Variants in ZAN observed in about 807,000 individuals in gnomAD.
ZAN encodes zonadhesin, also known as zonadhesin (gene/pseudogene).
In ZAN, 260 loss-of-function variants were observed where a neutral mutation model predicts 286.2. That is an observed-to-expected ratio of 0.91 (90% confidence interval 0.82 to 1.01). The LOEUF (loss-of-function observed/expected upper bound fraction) is 1.01. ZAN is among the 50% of genes least tolerant of loss of function. ZAN has a pLI of 0.00. For synonymous variants in ZAN, 1,368 were observed against 1,417.5 expected (o/e 0.97, Z 0.79); for missense variants, 3,410 against 3,639.2 (o/e 0.94, Z 1.62).
Position 100,797,561 on chromosome 7 carries a change from C to G in ZAN, c.8367-16C>G. 6.2e-7 allele frequency: 1 copy of G among 1,613,802 alleles called. No homozygotes were observed. The highest frequency in any genetic ancestry group is 8.5e-7 in the Non-Finnish European group (1 of 1,179,846). On this transcript the variant is annotated splice_polypyrimidine_tract_variant and intron_variant, in intron 46 of 47. Coordinates refer to ENST00000613979, the MANE Select transcript of ZAN (RefSeq NM_003386.3). The stretch of plus-strand genomic sequence containing the variant: ...GGCCACTTGGGGACCCATGTCTATT[C>G]CCCCATGCCTTCTAGAGAGAAAACG...
chr7:100,794,279 G>C (rs367861078), intron 44 of ZAN, 21 bp downstream of exon 44: 2 of 1,575,170 alleles, frequency 1.3e-6, no homozygotes, highest in Non-Finnish European at 1.7e-6. Context: ...ACTCCTGCCC[G>C]GTTCCAAGCT....
At chr7:100,785,659 CTTT>C (rs530251109) in intron 36 of ZAN, among the ~76,000 whole-genome samples, 1 of 143,274 alleles carries the variant, frequency 7.0e-6, no homozygotes, top group African/African-American at 2.5e-5. Context: ...CCTCTTCACT[CTTT>C]TTTTTTTTTT....
chr7:100,771,911 G>A lies in ZAN; in HGVS notation c.5316G>A (p.Gln1772=). 1.2e-6 allele frequency: 2 copies of A among 1,613,266 alleles called. No individual in the cohort carries two copies. Among genetic ancestry groups the A allele is most frequent in the Non-Finnish European group, 1.7e-6 (2 of 1,179,852 alleles). The change falls in exon 29 of 48, where the codon CAG becomes CAA. Residue 1772 remains glutamine (Q), a synonymous_variant. Transcript: ENST00000613979. The part of the protein sequence containing the change: ...QSSFASCVHG[Q]CGTKGDTTAL... The stretch of plus-strand genomic sequence containing the variant: ...GCTTTGCCAGTTGCGTGCATGGTCA[G>A]TGTGGGACCAAGGGCGACACCACAG...
rs1435085419 is a variant in ZAN at position 100,751,719 on chromosome 7, G to A, written c.1614G>A (p.Val538=). The A allele has an allele frequency of 6.3e-7, 1 of 1,578,962 alleles. No individual in the cohort carries two copies. The highest frequency in any genetic ancestry group is 8.6e-7 in the Non-Finnish European group (1 of 1,169,186). ...TCTTATTTTTCTTTGCAGTAAAAGT[G>A]CTACCAGAGCTTCCTCCCGTATCTC... ...LINPGTCPVK[V]LPELPPVSPV... The change falls in exon 14 of 48, where the codon GTG becomes GTA. Residue 538 remains valine (V), a synonymous_variant. Coordinates refer to ENST00000613979, the MANE Select transcript of ZAN (RefSeq NM_003386.3).
Position 100,794,091 on chromosome 7 carries a change from C to T in ZAN, c.7987-29C>T, listed in dbSNP as rs377264940. ...AGCCAGACCAGGGATGGAACTGGAA[C>T]GTCTCCTCCTGGCCCTTCCCCTTTC... is the stretch of plus-strand genomic sequence containing the variant. On this transcript the variant is annotated intron_variant, in intron 43 of 47. Coordinates refer to ENST00000613979, the MANE Select transcript of ZAN (RefSeq NM_003386.3). The T allele has an allele frequency of 2.2e-5, 35 of 1,613,710 alleles. No homozygotes were observed. The South Asian group carries it at 2.7e-4, about 13-fold the overall frequency.
In ZAN at chr7:100,794,002, A is replaced by G; in HGVS notation, c.7970A>G (p.Asn2657Ser). ...CTGGCTGACTGTGGCTGCACCAGCA[A>G]TGGCATCTACTACCAGGTCTGAGCT... ...PPLADCGCTS[N>S]GIYYQLGSSF... The change falls in exon 43 of 48, where the codon AAT becomes AGT. Residue 2657 changes from asparagine to serine, a missense_variant. By Grantham distance (46) the Asn-to-Ser change is conservative. Transcript: ENST00000613979. 6.2e-7 allele frequency: 1 copy of G among 1,613,524 alleles called. No homozygotes were observed. Among genetic ancestry groups the G allele is most frequent in the South Asian group, 1.1e-5 (1 of 91,074 alleles).
At position 100,779,699 on chromosome 7, in the gene ZAN, T is replaced by C; in HGVS notation, c.6571T>C (p.Cys2191Arg). ...GGCTCTGCAAGCCTTCGGGGCCACCTGCCAGAGCCAGGGGCTCAAGCCCCC... is the reference window on the plus strand; with the variant it reads ...GGCTCTGCAAGCCTTCGGGGCCACCCGCCAGAGCCAGGGGCTCAAGCCCCC... ...CQALQAFGAT[C>R]QSQGLKPPLW... The change falls in exon 35 of 48, where the codon TGC becomes CGC. Residue 2191 changes from cysteine (C) to arginine (R), a missense_variant. By Grantham distance (180) the Cys-to-Arg change is radical. Transcript: ENST00000613979. 1 of 1,559,728 alleles carries C rather than the reference T, an allele frequency of 6.4e-7. No individual in the cohort carries two copies. The highest frequency in any genetic ancestry group is 8.7e-7 in the Non-Finnish European group (1 of 1,152,054).
chr7:100,768,756 G>C, intron 27 of ZAN, 35 bp downstream of exon 27: 2 of 1,539,624 alleles, frequency 1.3e-6, no homozygotes, highest in Non-Finnish European at 8.8e-7. Flanking sequence ...GGCAGGAGGG[G>C]CTGGGCCTGG....
Position 100,762,283 on chromosome 7 carries a change from A to G in ZAN, c.3911A>G (p.Lys1304Arg). Residue 1304 changes from lysine (K) to arginine (R), a missense_variant, in exon 20 of 48, where the codon AAG becomes AGG. Coordinates refer to ENST00000613979, the MANE Select transcript of ZAN (RefSeq NM_003386.3). ...GGCAACAGTGACAATGACCACCTGAAGTTGGACGGCAGCCCAGCAGGAGAC... is the reference window on the plus strand; with the variant it reads ...GGCAACAGTGACAATGACCACCTGAGGTTGGACGGCAGCCCAGCAGGAGAC... ...YDGNSDNDHLKLDGSPAGDKE... is the reference protein window; with the variant it reads ...YDGNSDNDHLRLDGSPAGDKE... 6.2e-7 allele frequency: 1 copy of G among 1,613,752 alleles called. No individual in the cohort carries two copies. The highest frequency in any genetic ancestry group is 8.5e-7 in the Non-Finnish European group (1 of 1,179,810).
At chr7:100,782,918 G>A (rs1445748023) in intron 35 of ZAN, among the ~76,000 whole-genome samples, 2 of 151,994 alleles carry the variant, frequency 1.3e-5, no homozygotes, top group African/African-American at 2.4e-5. Context: ...CTGTTCTGTC[G>A]GTCCATCTGT....
In ZAN at chr7:100,779,587, C is replaced by T. The variant is rs956035120; in HGVS notation, c.6459C>T (p.Cys2153=). The T allele has an allele frequency of 6.2e-6, 10 of 1,609,030 alleles. No homozygotes were observed. The highest frequency in any genetic ancestry group is 3.4e-5 in the Admixed American group (2 of 59,176). Residue 2153 remains cysteine (C), a synonymous_variant, in exon 35 of 48, where the codon TGC becomes TGT. Transcript: ENST00000613979. ...AALRAPVWAQ[C]ASRIDLTPFL... ...TCCGGGCTCCTGTGTGGGCCCAGTG[C>T]GCCTCCCGCATAGACCTCACGCCCT...
intron 14 of ZAN, among the ~76,000 whole-genome samples, 194 bp downstream of exon 14, chr7:100,753,423 G>T (rs150032882): frequency 6.6e-5 from 10 of 152,312 alleles, no homozygotes; most frequent in Admixed American, 3.3e-4. Flanking sequence ...GAGAGGGATG[G>T]CAGGGCTGGA....
In ZAN at chr7:100,768,611, G is replaced by C. The variant is rs966282145; in HGVS notation, c.5043G>C (p.Gly1681=). 3 of 1,604,658 alleles carry C rather than the reference G, an allele frequency of 1.9e-6. No homozygotes were observed. The Admixed American group carries it at 5.1e-5, about 27-fold the overall frequency. The change falls in exon 27 of 48, where the codon GGG becomes GGC. Residue 1681 remains glycine, a splice_region_variant and synonymous_variant. Coordinates refer to ENST00000613979, the MANE Select transcript of ZAN (RefSeq NM_003386.3). ...TGTTTTAATGACTCCCTCCTCTAGGGAACTACAACAACAACAGCTTGGATG... is the reference window on the plus strand; with the variant it reads ...TGTTTTAATGACTCCCTCCTCTAGGCAACTACAACAACAACAGCTTGGATG... ...SYGGQLCGLC[G]NYNNNSLDDN...
chr7:100,762,418 T>C lies in ZAN; in HGVS notation c.3986+60T>C, dbSNP rs533361364. ...AGGTTCCGTCCCCTTCCTGGAACTC[T>C]CTTTTTTTTTTTTTTTTTTTTTTTT... On this transcript the variant is annotated intron_variant, in intron 20 of 47. Coordinates refer to ENST00000613979, the MANE Select transcript of ZAN (RefSeq NM_003386.3). 1.0e-3 allele frequency: 1,179 copies of C among 1,169,154 alleles called. 11 individuals carry two copies. The African/African-American group carries it at 0.019, about 19-fold the overall frequency. The allele number at this position is 1,169,154 out of a possible 1,614,324, so 72.4% of individuals were successfully genotyped here. A position where few individuals can be genotyped will look rare whatever the true frequency, so the allele number is the denominator to read the frequency against.
In ZAN at chr7:100,738,485, T is replaced by A; in HGVS notation, c.638T>A (p.Phe213Tyr). 1 of 1,478,634 alleles carries A rather than the reference T, an allele frequency of 6.8e-7. No homozygotes were observed. Among genetic ancestry groups the A allele is most frequent in the Non-Finnish European group, 9.2e-7 (1 of 1,084,222 alleles). The allele number at this position is 1,478,634 out of a possible 1,614,324, so 91.6% of individuals were successfully genotyped here. Reference sequence around the variant, plus strand: ...GTCTGTATGATGCAAACATGCAGCTTTGACATTCCAAATGACCTCTGTGAC... The same window carrying A: ...GTCTGTATGATGCAAACATGCAGCTATGACATTCCAAATGACCTCTGTGAC... ...NRVCMMQTCS[F>Y]DIPNDLCDWT... Residue 213 changes from phenylalanine to tyrosine, a missense_variant, in exon 7 of 48, where the codon TTT (phenylalanine) becomes TAT (tyrosine). Coordinates refer to ENST00000613979, the MANE Select transcript of ZAN (RefSeq NM_003386.3).
intron 25 of ZAN, 147 bp from the exon 26 acceptor site, chr7:100,767,684 G>A: frequency 1.1e-6 from 1 of 886,266 alleles, no homozygotes; most frequent in Non-Finnish European, 1.7e-6. Context: ...TCTCCATGTT[G>A]CCCAGGCTGA....
At chr7:100,777,449 G>T (rs920771444) in intron 34 of ZAN, among the ~76,000 whole-genome samples, 1 of 152,038 alleles carries the variant, frequency 6.6e-6, no homozygotes, top group Non-Finnish European at 1.5e-5. Context: ...CTGCTTCCGG[G>T]GTTCAAGCAA....
chr7:100,783,783 T>TATATATATATATACACACACAC (rs377402352), intron 35 of ZAN, among the ~76,000 whole-genome samples: 1 of 20,486 alleles, frequency 4.9e-5, no homozygotes, highest in African/African-American at 1.4e-4. Flanking sequence ...TATATATATA[T>TATATATATATATACACACACAC]ACACATATAT....
chr7:100,792,936 G>A (rs906981836), intron 42 of ZAN, among the ~76,000 whole-genome samples: 20 of 133,676 alleles, frequency 1.5e-4, no homozygotes, highest in Non-Finnish European at 2.7e-4. Flanking sequence ...AACCATGACC[G>A]CACACCACCA....
Sources: gnomAD v4.1 joint callset for allele counts (sites outside exome capture counted in the v4.1 genomes callset) on GRCh38, gnomAD v4.1.1 for gene constraint, MANE v1.5 for transcripts, NCBI Gene and HGNC (gene_info 2026-07-23, HGNC 2026-07-21) for gene names.